The following MPC1 variants were observed in gnomAD, a reference collection of about 807,000 sequenced individuals.
MPC1 encodes the protein mitochondrial pyruvate carrier 1, also known as HSPC040 protein.
A neutral mutation model predicts 13.9 loss-of-function variants in MPC1; 6 were observed. That is an observed-to-expected ratio of 0.43 (90% CI 0.24 to 0.85). The LOEUF is 0.85. MPC1 is among the 40% of genes least tolerant of loss of function. The pLI, the probability that MPC1 is intolerant of heterozygous loss-of-function variation, is 0.24. For missense variants in MPC1, 115 were observed against 143.3 expected, an observed-to-expected ratio of 0.80 and a Z score of 1.01; for synonymous variants, 47 against 50.5, an observed-to-expected ratio of 0.93 and a Z score of 0.29.
At chr6:166,372,621 A>G (rs1314449418) in intron 1 of MPC1, among the ~76,000 whole-genome samples, 1 of 152,196 alleles carries the variant, frequency 6.6e-6, no homozygotes, top group African/African-American at 2.4e-5. Flanking sequence ...ACATCCCTCA[A>G]TTCTAAGTCA....
Position 166,365,470 on chromosome 6 carries a change from A to C in MPC1, c.306-17T>G. 28 of 1,571,008 alleles carry C rather than the reference A, an allele frequency of 1.8e-5. No homozygotes were observed. Among genetic ancestry groups the C allele is most frequent in the Non-Finnish European group, 2.3e-5 (27 of 1,157,426 alleles). ...TTAGTCATCCTGGAAAGAAACAAAA[A>C]GAAAAATTCAATGAGAAACAAAATT... On this transcript the variant is annotated splice_polypyrimidine_tract_variant and intron_variant, in intron 4 of 4. Transcript: ENST00000360961. The surrounding 1 kb of genome is among the most constrained non-coding windows in gnomAD (Gnocchi z 4.2).
intron 1 of MPC1, among the ~76,000 whole-genome samples, chr6:166,375,165 A>G (rs1017226706): frequency 2.6e-5 from 4 of 152,214 alleles, no homozygotes; most frequent in African/African-American, 4.8e-5. Context: ...AGGTGGGATG[A>G]CTAAGTGACT....
chr6:166,380,350 G>A (rs1202908340), intron 1 of MPC1, among the ~76,000 whole-genome samples: 2 of 152,208 alleles, frequency 1.3e-5, no homozygotes, highest in Non-Finnish European at 1.5e-5. Context: ...ATCCTGGACT[G>A]TAAGTCATTC....
At chr6:166,382,370 C>T (rs935807394) in intron 1 of MPC1, among the ~76,000 whole-genome samples, 1 of 151,744 alleles carries the variant, frequency 6.6e-6, no homozygotes, top group African/African-American at 2.4e-5. Flanking sequence ...CCCAGTGTCA[C>T]CTTGGCCAGG....
Position 166,366,830 on chromosome 6 carries a change from T to G in MPC1, c.137A>C (p.Lys46Thr). 1 of 1,614,064 alleles carries G rather than the reference T, an allele frequency of 6.2e-7. No individual in the cohort carries two copies. The highest frequency in any genetic ancestry group is 1.1e-5 in the South Asian group (1 of 91,078). ...LPIAAINDMK[K>T]SPEIISGRMT... ...CCGCCCACTGATAATCTCTGGAGAC[T>G]TTTTCATATCATTGATGGCAGCAAT... The change falls in exon 3 of 5, where the codon AAG becomes ACG. Residue 46 changes from lysine to threonine, a missense_variant. By Grantham distance (78) the Lys-to-Thr change is moderately conservative. Around this residue, in one of 3 missense-constraint regions of MPC1, gnomAD observed 71 missense variants for 88.5 expected, o/e 0.80. Coordinates refer to ENST00000360961, the MANE Select transcript of MPC1 (RefSeq NM_016098.4).
chr6:166,368,385 G>T (rs1779244197), intron 2 of MPC1, among the ~76,000 whole-genome samples: 1 of 151,990 alleles, frequency 6.6e-6, no homozygotes, highest in African/African-American at 2.4e-5. Context: ...GTAAAACCCT[G>T]TCTCTACTAA....
intron 1 of MPC1, among the ~76,000 whole-genome samples, chr6:166,372,105 CT>C (rs1164812396): frequency 8.5e-5 from 13 of 152,264 alleles, no homozygotes; most frequent in Admixed American, 6.5e-4. Context: ...GATTGATAAC[CT>C]TACCAGATGA....
chr6:166,368,419 G>C (rs911668880), intron 2 of MPC1, among the ~76,000 whole-genome samples: 1 of 152,122 alleles, frequency 6.6e-6, no homozygotes, highest in Non-Finnish European at 1.5e-5. Flanking sequence ...AGCCAGCGTG[G>C]TGGCAGGTGA....
At chr6:166,367,277 T>G (rs938579824) in intron 2 of MPC1, 1 of 753,796 alleles carries the variant, frequency 1.3e-6, no homozygotes, top group Non-Finnish European at 1.7e-6. Flanking sequence ...ATTCTCCATA[T>G]TTTTATGTTT....
chr6:166,366,511 C>A (rs1388572852), intron 3 of MPC1, among the ~76,000 whole-genome samples: 1 of 152,106 alleles, frequency 6.6e-6, no homozygotes, highest in Non-Finnish European at 1.5e-5. Flanking sequence ...AAAAAGTTCA[C>A]AATATAAATC....
At chr6:166,368,267 G>C (rs573083874) in intron 2 of MPC1, among the ~76,000 whole-genome samples, 2 of 152,304 alleles carry the variant, frequency 1.3e-5, no homozygotes, top group South Asian at 2.1e-4. Context: ...CTTTGAAAAT[G>C]ACAAGTTGGG....
At chr6:166,366,943 C>T (rs768893003) in intron 2 of MPC1, 52 bp from the exon 3 acceptor site, 11 of 1,611,908 alleles carry the variant, frequency 6.8e-6, no homozygotes, top group African/African-American at 1.3e-5. Context: ...TAAGACAGAA[C>T]TATAAACAGC....
intron 1 of MPC1, among the ~76,000 whole-genome samples, chr6:166,380,478 T>G (rs1038084072): frequency 1.3e-5 from 2 of 152,280 alleles, no homozygotes; most frequent in East Asian, 3.9e-4. Flanking sequence ...GTATAAAAAT[T>G]TAAAGCTACA....
Position 166,365,362 on chromosome 6 carries a change from GA to G in MPC1, c.*66del. The G allele has an allele frequency of 1.5e-6, 2 of 1,347,666 alleles. No homozygotes were observed. The highest frequency in any genetic ancestry group is 2.0e-6 in the Non-Finnish European group (2 of 1,014,358). 83.5% of individuals were successfully genotyped at this position (1,347,666 alleles called of 1,614,324 possible). A position where few individuals can be genotyped will look rare whatever the true frequency, so the allele number is the denominator to read the frequency against. ...TTTCCTTAGGGAGGCTATTTATAAT[GA>G]AATCTGTGACTCAGCAGCAGCTGGC... On this transcript the variant is annotated 3_prime_UTR_variant, in exon 5 of 5. Transcript: ENST00000360961. The surrounding 1 kb of genome is among the most constrained non-coding windows in gnomAD (Gnocchi z 4.2).
At chr6:166,366,232 A>T in intron 3 of MPC1, 126 bp from the exon 4 acceptor site, 1 of 1,106,424 alleles carries the variant, frequency 9.0e-7, no homozygotes, top group Non-Finnish European at 1.2e-6. Context: ...AGCCTTTGAC[A>T]GATAAAAGTT....
chr6:166,377,282 T>C (rs1376494290), intron 1 of MPC1, among the ~76,000 whole-genome samples: 3 of 152,136 alleles, frequency 2.0e-5, no homozygotes, highest in Non-Finnish European at 4.4e-5. Context: ...GGAGCTGATG[T>C]GGGCACTGGG....
In MPC1 at chr6:166,365,418, CT is replaced by C; in HGVS notation, c.*10del. ...CTGTCCCTTCAAGACCTTGTTCTTC[CT>C]TTTCCATTGTTATGCAGATGCCGTT... is the stretch of plus-strand genomic sequence containing the variant. On this transcript the variant is annotated 3_prime_UTR_variant, in exon 5 of 5. Coordinates refer to ENST00000360961, the MANE Select transcript of MPC1 (RefSeq NM_016098.4). This position sits in a 1 kb window ranked among gnomAD's most constrained non-coding sequence, Gnocchi z 4.2. The C allele has an allele frequency of 1.9e-6, 3 of 1,568,188 alleles. No individual in the cohort carries two copies. Among genetic ancestry groups the C allele is most frequent in the South Asian group, 1.2e-5 (1 of 84,388 alleles).
At chr6:166,367,310 C>G (rs1779198125) in intron 2 of MPC1, 1 of 444,524 alleles carries the variant, frequency 2.2e-6, no homozygotes, top group Admixed American at 5.7e-5. Context: ...ACTCCTTTTC[C>G]CAAATTTTTA....
intron 2 of MPC1, chr6:166,369,987 T>C (rs1025299240): frequency 1.5e-6 from 1 of 685,734 alleles, no homozygotes; most frequent in Non-Finnish European, 2.7e-6. Context: ...AGTAATTATA[T>C]GCTTGTTTCT....
Sources: allele counts gnomAD v4.1 joint callset (sites outside exome capture counted in the v4.1 genomes callset), GRCh38; gene constraint gnomAD v4.1.1; regional missense constraint gnomAD v4.1.1; non-coding constraint Gnocchi (gnomAD v3.1); transcripts MANE v1.5; gene names NCBI Gene and HGNC (gene_info 2026-07-23, HGNC 2026-07-21).